ATP13A3: variants seen among roughly 807,000 people sequenced by gnomAD.
ATP13A3 encodes the protein polyamine-transporting ATPase 13A3.
Under a neutral mutation model 158.1 loss-of-function variants are expected in ATP13A3, and 59 were observed. That is an observed-to-expected ratio of 0.37 (90% CI 0.30 to 0.46). The LOEUF (loss-of-function observed/expected upper bound fraction) is 0.46, where lower values mean the gene tolerates loss of function less well. ATP13A3 is among the 20% of genes least tolerant of loss of function. The pLI, the probability that ATP13A3 is intolerant of heterozygous loss-of-function variation, is 1.00. For synonymous variants in ATP13A3, 491 were observed against 504.3 expected (o/e 0.97, Z 0.35); for missense variants, 1,166 against 1,525.2 (o/e 0.76, Z 3.92).
rs202060304 is a variant in ATP13A3 at position 194,447,092 on chromosome 3, G to A, written c.1332C>T (p.Ile444=). The change falls in exon 14 of 34, where the codon ATC becomes ATT. Residue 444 remains isoleucine, a synonymous_variant. Coordinates refer to ENST00000645319, the MANE Select transcript of ATP13A3 (RefSeq NM_001367549.1). ...LNEVQVGVII[I]ESLDIITITV... ...TAATTGTGATAATATCAAGAGACTC[G>A]ATAATTATGACCCCAACTTGTACCT... is the stretch of plus-strand genomic sequence containing the variant. The A allele has an allele frequency of 2.2e-5, 36 of 1,608,352 alleles. No homozygotes were observed. Among genetic ancestry groups the A allele is most frequent in the South Asian group, 7.8e-5 (7 of 89,226 alleles).
intron 2 of ATP13A3, among the ~76,000 whole-genome samples, chr3:194,472,648 T>C (rs958052308): frequency 2.0e-5 from 3 of 152,192 alleles, no homozygotes; most frequent in Non-Finnish European, 2.9e-5. Context: ...CATTACTAGG[T>C]ATATATCCAA....
At chr3:194,416,686 A>G (rs1715879935) in intron 31 of ATP13A3, among the ~76,000 whole-genome samples, 1 of 152,176 alleles carries the variant, frequency 6.6e-6, no homozygotes, top group South Asian at 2.1e-4. Context: ...AAAAGCACAT[A>G]AAGACTGTGA....
At chr3:194,414,584 G>T (rs186498822) in intron 31 of ATP13A3, among the ~76,000 whole-genome samples, 94 of 152,174 alleles carry the variant, frequency 6.2e-4, no homozygotes, top group Admixed American at 2.4e-3. Flanking sequence ...TTTAAAATCT[G>T]ATTAATTTCT....
chr3:194,488,440 C>T (rs1721087584), upstream of ATP13A3: 1 of 152,478 alleles, frequency 6.6e-6, no homozygotes, highest in African/African-American at 2.4e-5. This position sits in a 1 kb window ranked among gnomAD's most constrained non-coding sequence, Gnocchi z 4.1. Flanking sequence ...CAACTAGCTT[C>T]CAAGTGTTTC....
At position 194,449,245 on chromosome 3, in the gene ATP13A3, ATTTG is replaced by A. The variant is rs758223479; in HGVS notation, c.971-613_971-610del. On this transcript the variant is annotated intron_variant, in intron 11 of 33. Transcript: ENST00000645319. ...AAGAAGGCATGTGTGTCAGATATGT[ATTTG>A]TTTGTGTGTTTTAAGATACGAGATA... Among the ~76,000 whole-genome samples, 36 of 152,220 alleles carry A rather than the reference ATTTG, an allele frequency of 2.4e-4. 3 individuals carry two copies. Among genetic ancestry groups the A allele is most frequent in the Admixed American group, 1.5e-3 (23 of 15,290 alleles).
At chr3:194,493,915 CTAT>C (rs1721176041) in intron 2 of ATP13A3, 1 of 358,708 alleles carries the variant, frequency 2.8e-6, no homozygotes, top group Non-Finnish European at 5.0e-6. Context: ...GAAGGAGGTA[CTAT>C]TATTTCTGTT....
chr3:194,486,191 C>T (rs2109084585), intron 1 of ATP13A3, among the ~76,000 whole-genome samples: 1 of 152,290 alleles, frequency 6.6e-6, no homozygotes, highest in South Asian at 2.1e-4. Context: ...TGGCAAGCAG[C>T]TCCATACTCC....
At chr3:194,460,899 C>A in intron 3 of ATP13A3, 68 bp from the exon 4 acceptor site, 1 of 1,483,618 alleles carries the variant, frequency 6.7e-7, no homozygotes, top group Non-Finnish European at 9.2e-7. Context: ...GAAACACATT[C>A]CAAAGTTCTT....
intron 20 of ATP13A3, among the ~76,000 whole-genome samples, chr3:194,436,125 A>T (rs975328083): frequency 7.5e-5 from 11 of 146,660 alleles, no homozygotes; most frequent in Non-Finnish European, 1.1e-4. Context: ...GAGGTTTTTC[A>T]TTTTTTTTTT....
intron 7 of ATP13A3, among the ~76,000 whole-genome samples, chr3:194,456,231 C>T (rs1719216023): frequency 6.6e-6 from 1 of 151,940 alleles, no homozygotes; most frequent in African/African-American, 2.4e-5. Context: ...ACCATGTGAG[C>T]AAAAGGTTCT....
chr3:194,413,825 T>G lies in ATP13A3; in HGVS notation c.3417A>C (p.Pro1139=), dbSNP rs371360040. ...TGAGCATAGTTACACGCCACTGATATGGTACACACACTATCTGTAATGCAA... is the reference window on the plus strand; with the variant it reads ...TGAGCATAGTTACACGCCACTGATAGGGTACACACACTATCTGTAATGCAA... ...VDQVLQIVCV[P]YQWRVTMLII... The change falls in exon 32 of 34, where the codon CCA becomes CCC. Residue 1139 remains proline, a synonymous_variant. Coordinates refer to ENST00000645319, the MANE Select transcript of ATP13A3 (RefSeq NM_001367549.1). The G allele has an allele frequency of 2.1e-5, 34 of 1,613,342 alleles. No homozygotes were observed. The Middle Eastern group carries it at 4.9e-4, about 23-fold the overall frequency.
chr3:194,415,728 G>A (rs1469463896), intron 31 of ATP13A3, among the ~76,000 whole-genome samples: 2 of 139,056 alleles, frequency 1.4e-5, no homozygotes, highest in Non-Finnish European at 3.0e-5. Flanking sequence ...GGAGTGCAGT[G>A]GTGTGATCTT....
chr3:194,419,995 G>A, intron 30 of ATP13A3, 28 bp from the exon 31 acceptor site: 6 of 1,495,768 alleles, frequency 4.0e-6, no homozygotes, highest in Non-Finnish European at 5.3e-6. Flanking sequence ...AGTAAAACAA[G>A]TAAATTAGGA....
chr3:194,419,094 A>G (rs113416461), intron 31 of ATP13A3, among the ~76,000 whole-genome samples: 14 of 152,252 alleles, frequency 9.2e-5, no homozygotes, highest in African/African-American at 3.4e-4. Flanking sequence ...TGAATTTAAT[A>G]TATTCCTACA....
rs1488583256 is a variant in ATP13A3 at position 194,485,799 on chromosome 3, A to G, written c.-52T>C. The G allele has an allele frequency of 6.6e-6, 1 of 152,228 alleles. No homozygotes were observed. Among genetic ancestry groups the G allele is most frequent in the African/African-American group, 2.4e-5 (1 of 41,442 alleles). 9.4% of individuals were successfully genotyped at this position (152,228 alleles called of 1,614,324 possible). ...ATTATGTGAGTGATTCATACCTCCT[A>G]TGTCCAAACACCAAGATTCAGGGAT... On this transcript the variant is annotated 5_prime_UTR_variant, in exon 2 of 34. Coordinates refer to ENST00000645319, the MANE Select transcript of ATP13A3 (RefSeq NM_001367549.1).
intron 14 of ATP13A3, among the ~76,000 whole-genome samples, chr3:194,446,275 T>A (rs2108889167): frequency 6.6e-6 from 1 of 152,300 alleles, no homozygotes; most frequent in Admixed American, 6.5e-5. Flanking sequence ...GCGACCACTA[T>A]CTACATGGAG....
chr3:194,425,286 T>C, intron 30 of ATP13A3, 56 bp downstream of exon 30: 4 of 1,440,980 alleles, frequency 2.8e-6, no homozygotes, highest in East Asian at 4.6e-5. Flanking sequence ...TATTCTCTTC[T>C]ACATTAGTTT....
chr3:194,457,211 T>C lies in ATP13A3; in HGVS notation c.480-37A>G, dbSNP rs1314231700. On this transcript the variant is annotated intron_variant, in intron 6 of 33. Coordinates refer to ENST00000645319, the MANE Select transcript of ATP13A3 (RefSeq NM_001367549.1). ...CAAAGTTTTTACTTTAAACAAAGTT[T>C]AAAATATCCAAATTTCTTAACGCCT... 4.6e-6 allele frequency: 7 copies of C among 1,512,820 alleles called. No homozygotes were observed. The South Asian group carries it at 4.6e-5, about 10-fold the overall frequency. 93.7% of individuals were successfully genotyped at this position (1,512,820 alleles called of 1,614,324 possible).
At chr3:194,410,324 A>C (rs1258092214) in intron 33 of ATP13A3, among the ~76,000 whole-genome samples, 1 of 145,808 alleles carries the variant, frequency 6.9e-6, no homozygotes, top group African/African-American at 2.6e-5. Flanking sequence ...AAAAAAAAAA[A>C]AAAAAAACTG....
Sources: allele counts gnomAD v4.1 joint callset (sites outside exome capture counted in the v4.1 genomes callset), GRCh38; gene constraint gnomAD v4.1.1; non-coding constraint Gnocchi (gnomAD v3.1); transcripts MANE v1.5; gene names NCBI Gene and HGNC (gene_info 2026-07-23, HGNC 2026-07-21).